Variants in TPI1 observed in about 807,000 individuals in gnomAD.
The protein encoded by TPI1 is triosephosphate isomerase.
Under a neutral mutation model 31.0 loss-of-function variants are expected in TPI1, and 11 were observed. The observed-to-expected ratio is 0.36, with a 90% CI of 0.22 to 0.59. The LOEUF (loss-of-function observed/expected upper bound fraction) is 0.59, where lower values mean the gene tolerates loss of function less well. Ranked by LOEUF, TPI1 falls within the 20% of genes least tolerant of loss-of-function variation. TPI1 has a pLI of 0.79. For synonymous variants in TPI1, 121 were observed against 122.8 expected (o/e 0.99, Z 0.10); for missense variants, 245 against 319.7 (o/e 0.77, Z 1.78).
Position 6,867,751 on chromosome 12 carries a change from TCCCGAGGC to T in TPI1, c.115+88_115+95del, listed in dbSNP as rs537870809. 684 of 1,439,294 alleles carry T rather than the reference TCCCGAGGC, an allele frequency of 4.8e-4. 1 individual carries two copies. Among genetic ancestry groups the T allele is most frequent in the African/African-American group, 1.3e-3 (90 of 67,662 alleles). 89.2% of individuals were successfully genotyped at this position (1,439,294 alleles called of 1,614,324 possible). ...CCGGGGCAGGAGTGGCAGCGCCCTC[TCCCGAGGC>T]CCCGAGGCCCCGAGGCCGGTATCCG... is the stretch of plus-strand genomic sequence containing the variant. On this transcript the variant is annotated intron_variant, in intron 1 of 6. Transcript: ENST00000396705.
intron 1 of TPI1, chr12:6,868,033 G>GGCCGCGTGGGCTTCCCGCTCCCTGC (rs1944496667): frequency 8.2e-7 from 1 of 1,219,698 alleles, no homozygotes; most frequent in African/African-American, 1.6e-5. Context: ...GGGGAGGCTG[G>GGCCGCGTGGGCTTCCCGCTCCCTGC]GCCGCGTGGG....
At chr12:6,869,978 C>T in intron 5 of TPI1, 71 bp from the exon 6 acceptor site, 3 of 1,532,164 alleles carry the variant, frequency 2.0e-6, no homozygotes, top group African/African-American at 1.4e-5. Context: ...CACTAAGTGT[C>T]CACTGGTGCC....
At chr12:6,867,967 C>T in intron 1 of TPI1, 1 of 923,834 alleles carries the variant, frequency 1.1e-6, no homozygotes, top group South Asian at 2.0e-5. Context: ...CGCACTGGGG[C>T]TGTGCCCGCC....
At chr12:6,868,792 C>T (rs1227978773) in intron 1 of TPI1, 72 bp from the exon 2 acceptor site, 4 of 1,559,044 alleles carry the variant, frequency 2.6e-6, no homozygotes, top group Non-Finnish European at 3.5e-6. Flanking sequence ...GGCTCCAGGG[C>T]ACTGGTTAGG....
Position 6,867,599 on chromosome 12 carries a change from A to G in TPI1, c.33A>G (p.Gly11=), listed in dbSNP as rs782672720. 8.1e-6 allele frequency: 13 copies of G among 1,612,788 alleles called. No individual in the cohort carries two copies. In the South Asian group the frequency reaches 1.4e-4, roughly 18 times the overall value. The change falls in exon 1 of 7, where the codon GGA becomes GGG. Residue 11 remains glycine (G), a synonymous_variant. Transcript: ENST00000396705. MAPSRKFFVG[G]NWKMNGRKQS... Reference sequence around the variant, plus strand: ...CCTCCAGGAAGTTCTTCGTTGGGGGAAACTGGAAGATGAACGGGCGGAAGC... The same window carrying G: ...CCTCCAGGAAGTTCTTCGTTGGGGGGAACTGGAAGATGAACGGGCGGAAGC...
chr12:6,869,950 T>A, intron 5 of TPI1, 99 bp from the exon 6 acceptor site: 1 of 1,469,436 alleles, frequency 6.8e-7, no homozygotes, highest in Non-Finnish European at 9.5e-7. Flanking sequence ...CCTGGTACTC[T>A]GACTCAGTCA....
rs782569395 is a variant in TPI1, at chr12:6,869,129, G to A, written c.270G>A (p.Thr90=). Residue 90 remains threonine (T), a synonymous_variant, in exon 3 of 7, where the codon ACG becomes ACA. Coordinates refer to ENST00000396705, the MANE Select transcript of TPI1 (RefSeq NM_000365.6). The stretch of plus-strand genomic sequence containing the variant: ...GCATGATCAAAGACTGCGGAGCCAC[G>A]TGGGTGGTCCTGGGGCACTCAGAGA... The part of the protein sequence containing the change: ...SPGMIKDCGA[T]WVVLGHSERR... The A allele has an allele frequency of 1.1e-5, 17 of 1,614,110 alleles. No homozygotes were observed. Among genetic ancestry groups the A allele is most frequent in the East Asian group, 2.2e-5 (1 of 44,898 alleles).
Position 6,867,748 on chromosome 12 carries a change from C to T in TPI1, c.115+67C>T, listed in dbSNP as rs1175927759. ...GGGCCGGGGCAGGAGTGGCAGCGCCCTCTCCCGAGGCCCCGAGGCCCCGAG... is the reference window on the plus strand; with the variant it reads ...GGGCCGGGGCAGGAGTGGCAGCGCCTTCTCCCGAGGCCCCGAGGCCCCGAG... On this transcript the variant is annotated intron_variant, in intron 1 of 6. Transcript: ENST00000396705. 47 of 1,457,376 alleles carry T rather than the reference C, an allele frequency of 3.2e-5. No individual in the cohort carries two copies. The East Asian group carries it at 1.1e-3, about 34-fold the overall frequency. The allele number at this position is 1,457,376 out of a possible 1,614,324, so 90.3% of individuals were successfully genotyped here. A position where few individuals can be genotyped will look rare whatever the true frequency, so the allele number is the denominator to read the frequency against.
upstream of TPI1, chr12:6,867,468 G>C: frequency 2.0e-6 from 3 of 1,528,306 alleles, no homozygotes; most frequent in Non-Finnish European, 1.8e-6. Context: ...GGCGGAGGAC[G>C]GCGAGGAGGC....
Position 6,867,691 on chromosome 12 carries a change from C to G in TPI1, c.115+10C>G, listed in dbSNP as rs782119804. 2 of 1,591,322 alleles carry G rather than the reference C, an allele frequency of 1.3e-6. No homozygotes were observed. The highest frequency in any genetic ancestry group is 2.7e-5 in the African/African-American group (2 of 73,868). On this transcript the variant is annotated intron_variant, in intron 1 of 6. Transcript: ENST00000396705. The stretch of plus-strand genomic sequence containing the variant: ...GTGCCGGCCGACACCGGTAAGCCCT[C>G]GCCGAGGAGGGGTCTGGCCGGGCCG...
chr12:6,869,407 G>C lies in TPI1; in HGVS notation c.457+17G>C. On this transcript the variant is annotated intron_variant, in intron 4 of 6. Coordinates refer to ENST00000396705, the MANE Select transcript of TPI1 (RefSeq NM_000365.6). ...TCATCGCAGGTATCTCTGGAGAAAG[G>C]GACCTTTGAGCCTATCCAGGGCCAC... 6.2e-7 allele frequency: 1 copy of C among 1,613,910 alleles called. No homozygotes were observed. Among genetic ancestry groups the C allele is most frequent in the Non-Finnish European group, 8.5e-7 (1 of 1,179,994 alleles).
At chr12:6,867,721 C>T (rs1388448997) in intron 1 of TPI1, 40 bp downstream of exon 1, 3 of 1,546,162 alleles carry the variant, frequency 1.9e-6, no homozygotes, top group Non-Finnish European at 1.7e-6. Context: ...GGGCCGGGGC[C>T]GGGGCCGGGG....
At chr12:6,868,140 G>T in intron 1 of TPI1, 8 of 1,247,894 alleles carry the variant, frequency 6.4e-6, no homozygotes, top group Non-Finnish European at 7.2e-6. Context: ...TCCCCGCGCC[G>T]AGCTGCTCGG....
Position 6,870,103 on chromosome 12 carries a change from G to A in TPI1, c.598G>A (p.Ala200Thr). 1.2e-6 allele frequency: 2 copies of A among 1,614,190 alleles called. No homozygotes were observed. The highest frequency in any genetic ancestry group is 1.7e-6 in the Non-Finnish European group (2 of 1,180,002). The part of the protein sequence containing the change: ...RGWLKSNVSD[A>T]VAQSTRIIYG... ...ATGGCTGAAGTCCAACGTCTCTGAT[G>A]CGGTGGCTCAGAGCACCCGTATCAT... The change falls in exon 6 of 7, where the codon GCG becomes ACG. Residue 200 changes from alanine (A) to threonine (T), a missense_variant. By Grantham distance (58) the Ala-to-Thr change is moderately conservative (BLOSUM62 0). This residue lies in a region of TPI1 where 127 missense variants were observed against 163.7 expected (regional missense o/e 0.78). Transcript: ENST00000396705.
Position 6,867,687 on chromosome 12 carries a change from C to T in TPI1, c.115+6C>T. ...CAAGGTGCCGGCCGACACCGGTAAGCCCTCGCCGAGGAGGGGTCTGGCCGG... is the reference window on the plus strand; with the variant it reads ...CAAGGTGCCGGCCGACACCGGTAAGTCCTCGCCGAGGAGGGGTCTGGCCGG... On this transcript the variant is annotated splice_donor_region_variant and intron_variant, in intron 1 of 6. Transcript: ENST00000396705. The T allele has an allele frequency of 6.3e-7, 1 of 1,590,866 alleles. No homozygotes were observed. The highest frequency in any genetic ancestry group is 8.6e-7 in the Non-Finnish European group (1 of 1,163,130).
Position 6,869,130 on chromosome 12 carries a change from TGG to T in TPI1, c.273_274del (p.Trp91CysfsTer17), listed in dbSNP as rs1555132141. On this transcript the variant is annotated frameshift_variant, in exon 3 of 7. Coordinates refer to ENST00000396705, the MANE Select transcript of TPI1 (RefSeq NM_000365.6). LOFTEE classifies it high-confidence loss of function. ...CATGATCAAAGACTGCGGAGCCACG[TGG>T]GTGGTCCTGGGGCACTCAGAGAGAA... ...PGMIKDCGAT[W>X]VVLGHSERRH... The T allele has an allele frequency of 6.2e-7, 1 of 1,614,166 alleles. No homozygotes were observed. The highest frequency in any genetic ancestry group is 8.5e-7 in the Non-Finnish European group (1 of 1,180,030).
chr12:6,869,566 A>G, intron 4 of TPI1, 122 bp from the exon 5 acceptor site: 1 of 1,461,896 alleles, frequency 6.8e-7, no homozygotes, highest in Non-Finnish European at 9.6e-7. Context: ...GGTAGATGCC[A>G]CCTGGAAATC....
At chr12:6,870,194 C>T (rs1944556579) in intron 6 of TPI1, 58 bp downstream of exon 6, 10 of 1,601,096 alleles carry the variant, frequency 6.2e-6, no homozygotes, top group South Asian at 2.2e-5. Flanking sequence ...ACTGAGCCCT[C>T]GGACATGGAG....
Position 6,868,145 on chromosome 12 carries a change from G to A in TPI1, c.115+464G>A, listed in dbSNP as rs1448745778. The A allele has an allele frequency of 1.2e-5, 15 of 1,200,058 alleles. No homozygotes were observed. In the African/African-American group the frequency reaches 2.7e-4, roughly 22 times the overall value. 74.3% of individuals were successfully genotyped at this position (1,200,058 alleles called of 1,614,324 possible). On this transcript the variant is annotated intron_variant, in intron 1 of 6. Coordinates refer to ENST00000396705, the MANE Select transcript of TPI1 (RefSeq NM_000365.6). ...GGCGTCCGCGTCCCCGCGCCGAGCT[G>A]CTCGGGCTCCCTGAGCCCCAGATCT...
Sources: allele counts gnomAD v4.1 joint callset, GRCh38; gene constraint gnomAD v4.1.1; regional missense constraint gnomAD v4.1.1; transcripts MANE v1.5; gene names NCBI Gene and HGNC (gene_info 2026-07-23, HGNC 2026-07-21).